Variants in ERICH1 observed in about 807,000 individuals in gnomAD.
ERICH1 encodes the protein glutamate rich 1, also known as glutamate-rich protein 1.
In ERICH1, 56 loss-of-function variants were observed where a neutral mutation model predicts 39.6. That is an observed-to-expected ratio of 1.41 (90% CI 1.14 to 1.77). ERICH1 has a LOEUF of 1.77. ERICH1 is among the 40% of genes most tolerant of loss of function. The probability of loss-of-function intolerance (pLI) is 0.00; values close to 1 mark genes in which losing one functional copy is unlikely to be tolerated. For missense variants in ERICH1, 826 were observed against 575.4 expected (o/e 1.44, Z -4.45); for synonymous variants, 313 against 223.6 (o/e 1.40, Z -3.57).
At chr8:677,280 T>C (rs1405178707) in intron 3 of ERICH1, among the ~76,000 whole-genome samples, 1 of 152,178 alleles carries the variant, frequency 6.6e-6, no homozygotes, top group Non-Finnish European at 1.5e-5. Context: ...ACCCCCCAGC[T>C]CTGTTCACGG....
chr8:656,127 G>A lies in ERICH1; in HGVS notation c.976+12471C>T, dbSNP rs778243017. Among the ~76,000 whole-genome samples the A allele has an allele frequency of 2.2e-4, 33 of 152,232 alleles. No homozygotes were observed. In the Middle Eastern group the frequency reaches 0.017, roughly 80 times the overall value. ...CCACAGCCATTCCCAGGTCTTCTCC[G>A]AATGGCCTCGCTGCTGGCACGGTCC... On this transcript the variant is annotated intron_variant, in intron 3 of 3. Transcript: ENST00000522706.
chr8:704,313 G>C (rs1156264912), intron 2 of ERICH1, among the ~76,000 whole-genome samples: 1 of 152,210 alleles, frequency 6.6e-6, no homozygotes, highest in Non-Finnish European at 1.5e-5. Context: ...GGTGAGACCG[G>C]GAGTTACGGC....
At chr8:643,239 G>A (rs1019590733) in intron 3 of ERICH1, among the ~76,000 whole-genome samples, 4 of 152,306 alleles carry the variant, frequency 2.6e-5, no homozygotes, top group Admixed American at 6.5e-5. Flanking sequence ...GGCATGAGAC[G>A]ATGACCTAGT....
chr8:614,968 C>T (rs1796841600), exon 4 of ERICH1: 1 of 367,246 alleles, frequency 2.7e-6, no homozygotes, highest in Non-Finnish European at 4.8e-6. Flanking sequence ...TGTGACTGAG[C>T]CACAGGCTCA....
chr8:689,315 T>C (rs1253805800), intron 3 of ERICH1, among the ~76,000 whole-genome samples: 2 of 152,248 alleles, frequency 1.3e-5, no homozygotes, highest in African/African-American at 2.4e-5. Context: ...TTCGCCATGT[T>C]GGCCAGGCTG....
chr8:625,003 G>A (rs1797521351), intron 3 of ERICH1, among the ~76,000 whole-genome samples: 1 of 152,140 alleles, frequency 6.6e-6, no homozygotes, highest in Admixed American at 6.5e-5. Context: ...TGGGATTACA[G>A]GCGTGAGCCA....
downstream of ERICH1, among the ~76,000 whole-genome samples, chr8:662,382 C>T (rs1021247628): frequency 3.2e-4 from 48 of 152,362 alleles, no homozygotes; most frequent in African/African-American, 1.2e-3. Flanking sequence ...GGTGCAGTGG[C>T]TCATACCACT....
At chr8:691,905 T>G (rs1808985541) in intron 3 of ERICH1, among the ~76,000 whole-genome samples, 2 of 152,204 alleles carry the variant, frequency 1.3e-5, no homozygotes, top group Non-Finnish European at 2.9e-5. Flanking sequence ...AAACAACTAT[T>G]TCCCTTTTAA....
chr8:642,173 C>A (rs547468343), intron 3 of ERICH1, among the ~76,000 whole-genome samples: 2 of 152,280 alleles, frequency 1.3e-5, no homozygotes, highest in African/African-American at 2.4e-5. Context: ...GGCCCACCAT[C>A]CCAGCACTTA....
chr8:631,468 G>A (rs1217130041), intron 3 of ERICH1, among the ~76,000 whole-genome samples: 1 of 152,164 alleles, frequency 6.6e-6, no homozygotes, highest in Non-Finnish European at 1.5e-5. Context: ...TAACCTGAGC[G>A]GGAAGTGGAG....
At chr8:720,999 C>G (rs1198578176) in intron 1 of ERICH1, among the ~76,000 whole-genome samples, 1 of 152,174 alleles carries the variant, frequency 6.6e-6, no homozygotes, top group African/African-American at 2.4e-5. Flanking sequence ...TTGGCAAAGG[C>G]TGGTTTTGTG....
At chr8:713,344 T>C (rs1815194642) in intron 2 of ERICH1, among the ~76,000 whole-genome samples, 1 of 152,254 alleles carries the variant, frequency 6.6e-6, no homozygotes, top group African/African-American at 2.4e-5. Context: ...GGCAAAAGTA[T>C]GTGCAAAAGC....
At chr8:660,219 G>A (rs1393214680), downstream of ERICH1, among the ~76,000 whole-genome samples, 2 of 152,188 alleles carry the variant, frequency 1.3e-5, no homozygotes, top group African/African-American at 4.8e-5. Context: ...CTCCCCTCCA[G>A]CATGTGCTCA....
chr8:632,712 A>C (rs1213585415), intron 3 of ERICH1, among the ~76,000 whole-genome samples: 1 of 152,246 alleles, frequency 6.6e-6, no homozygotes, highest in Non-Finnish European at 1.5e-5. Context: ...CAGTGCTCAG[A>C]GACACACAAA....
chr8:708,670 C>T (rs1201515168), intron 2 of ERICH1, among the ~76,000 whole-genome samples: 2 of 101,670 alleles, frequency 2.0e-5, no homozygotes, highest in Admixed American at 1.2e-4. Context: ...TGAGTGGTTA[C>T]GGGATAATGA....
intron 2 of ERICH1, among the ~76,000 whole-genome samples, chr8:703,000 C>G (rs1202889106): frequency 6.6e-6 from 1 of 152,244 alleles, no homozygotes; most frequent in Non-Finnish European, 1.5e-5. Context: ...CCACACCACC[C>G]AGGCAGGCAG....
intron 3 of ERICH1, among the ~76,000 whole-genome samples, chr8:635,352 G>T (rs1016803156): frequency 2.0e-5 from 3 of 152,190 alleles, no homozygotes; most frequent in African/African-American, 7.2e-5. Context: ...TAAACGCCAA[G>T]CCCGGGCCGT....
intron 3 of ERICH1, among the ~76,000 whole-genome samples, chr8:676,619 G>T (rs965206925): frequency 6.6e-6 from 1 of 152,196 alleles, no homozygotes; most frequent in African/African-American, 2.4e-5. Context: ...AACAGAGGGT[G>T]TGTGCAGGCC....
At chr8:634,491 G>A (rs1798273990) in intron 3 of ERICH1, among the ~76,000 whole-genome samples, 2 of 152,136 alleles carry the variant, frequency 1.3e-5, no homozygotes, top group South Asian at 4.1e-4. Flanking sequence ...CACTGAACAG[G>A]GTCTCGAGGA....
Sources: allele counts gnomAD v4.1 joint callset (sites outside exome capture counted in the v4.1 genomes callset), GRCh38; gene constraint gnomAD v4.1.1; transcripts MANE v1.5; gene names NCBI Gene and HGNC (gene_info 2026-07-23, HGNC 2026-07-21).